LMCD1: variants seen among roughly 807,000 people sequenced by gnomAD.
LMCD1 encodes LIM and cysteine rich domains 1.
Under a neutral mutation model 42.7 loss-of-function variants are expected in LMCD1, and 32 were observed. That is an observed-to-expected ratio of 0.75 (90% CI 0.57 to 1.01). The LOEUF (loss-of-function observed/expected upper bound fraction) is 1.01, where lower values mean the gene tolerates loss of function less well. LMCD1 is among the 50% of genes least tolerant of loss of function. The pLI is 0.00. For synonymous variants in LMCD1, 178 were observed against 184.9 expected (o/e 0.96, Z 0.30); for missense variants, 458 against 483.1 (o/e 0.95, Z 0.49).
At chr3:8,523,342 C>T (rs1016362819) in intron 1 of LMCD1, among the ~76,000 whole-genome samples, 6 of 152,352 alleles carry the variant, frequency 3.9e-5, no homozygotes, top group Admixed American at 6.5e-5. Context: ...AACACACATA[C>T]ACACTCTCAC....
chr3:8,537,757 A>G (rs1694540489), intron 3 of LMCD1, among the ~76,000 whole-genome samples: 1 of 152,166 alleles, frequency 6.6e-6, no homozygotes, highest in South Asian at 2.1e-4. Flanking sequence ...TTATCACTCA[A>G]AATTCTGAGT....
chr3:8,516,288 G>C (rs1336034316), intron 1 of LMCD1, among the ~76,000 whole-genome samples: 1 of 152,140 alleles, frequency 6.6e-6, no homozygotes, highest in African/African-American at 2.4e-5. Flanking sequence ...CCTCCTGAGA[G>C]ACAAGAGCCG....
rs1295430394 is a variant in LMCD1 at position 8,572,504 on chromosome 3, C to G, written c.*4906C>G. ...TTAGTATTCATTGACGTTTACTGATCGAACTAATTATTATTATGATAGTTG... is the reference window on the plus strand; with the variant it reads ...TTAGTATTCATTGACGTTTACTGATGGAACTAATTATTATTATGATAGTTG... On this transcript the variant is annotated 3_prime_UTR_variant, in exon 6 of 6. Coordinates refer to ENST00000157600, the MANE Select transcript of LMCD1 (RefSeq NM_014583.4). 1 of 152,130 alleles carries G rather than the reference C, an allele frequency of 6.6e-6. No homozygotes were observed. Among genetic ancestry groups the G allele is most frequent in the African/African-American group, 2.4e-5 (1 of 41,420 alleles). 9.4% of individuals were successfully genotyped at this position (152,130 alleles called of 1,614,324 possible).
At chr3:8,541,422 G>A (rs1047609877) in intron 3 of LMCD1, among the ~76,000 whole-genome samples, 6 of 152,214 alleles carry the variant, frequency 3.9e-5, no homozygotes, top group East Asian at 3.9e-4. Flanking sequence ...GGTAGCAGGC[G>A]CCTGTAATCC....
At chr3:8,543,816 G>C (rs1205287933) in intron 3 of LMCD1, among the ~76,000 whole-genome samples, 1 of 152,182 alleles carries the variant, frequency 6.6e-6, no homozygotes, top group East Asian at 1.9e-4. Context: ...AGAACCTAAG[G>C]ATAGACCCAG....
intron 1 of LMCD1, among the ~76,000 whole-genome samples, chr3:8,517,789 T>C (rs1350892408): frequency 6.6e-6 from 1 of 152,216 alleles, no homozygotes; most frequent in Admixed American, 6.5e-5. Context: ...TTTATTGCAT[T>C]TGTTGTGGTT....
intron 3 of LMCD1, among the ~76,000 whole-genome samples, chr3:8,545,953 C>T (rs1694726514): frequency 1.3e-5 from 2 of 152,106 alleles, no homozygotes; most frequent in African/African-American, 4.8e-5. Context: ...ATGGCGAAAC[C>T]CCGTCTCTAC....
At chr3:8,535,284 T>G (rs1447727706) in intron 2 of LMCD1, among the ~76,000 whole-genome samples, 1 of 152,208 alleles carries the variant, frequency 6.6e-6, no homozygotes, top group Non-Finnish European at 1.5e-5. Flanking sequence ...GTGAATAAAA[T>G]GCAAAACAAA....
intron 1 of LMCD1, among the ~76,000 whole-genome samples, chr3:8,505,263 A>G (rs905558644): frequency 6.6e-6 from 1 of 152,232 alleles, no homozygotes; most frequent in African/African-American, 2.4e-5. Context: ...TTGACAAGCT[A>G]AGACAATGAC....
intron 3 of LMCD1, among the ~76,000 whole-genome samples, chr3:8,537,964 A>G (rs1694543058): frequency 6.6e-6 from 1 of 152,194 alleles, no homozygotes; most frequent in Non-Finnish European, 1.5e-5. Context: ...GTAAATGATC[A>G]GAGAAACCCT....
At chr3:8,504,614 C>T (rs1470308103) in intron 1 of LMCD1, among the ~76,000 whole-genome samples, 2 of 152,242 alleles carry the variant, frequency 1.3e-5, no homozygotes, top group African/African-American at 4.8e-5. Flanking sequence ...GGGAAAGAGA[C>T]TCACTGGGGG....
At chr3:8,519,312 A>T (rs971492676) in intron 1 of LMCD1, among the ~76,000 whole-genome samples, 5 of 152,200 alleles carry the variant, frequency 3.3e-5, no homozygotes, top group African/African-American at 7.2e-5. Flanking sequence ...GTCTAAACAG[A>T]AGGAACTGTA....
At chr3:8,560,008 A>G (rs1350965591) in intron 4 of LMCD1, among the ~76,000 whole-genome samples, 1 of 152,216 alleles carries the variant, frequency 6.6e-6, no homozygotes, top group African/African-American at 2.4e-5. Flanking sequence ...GAAGGTTGCA[A>G]ACAAGCTCTG....
intron 3 of LMCD1, among the ~76,000 whole-genome samples, chr3:8,545,418 G>A (rs901946233): frequency 5.9e-5 from 9 of 152,110 alleles, no homozygotes; most frequent in African/African-American, 2.2e-4. Context: ...CATCTCTCAG[G>A]TATTAGCAAA....
intron 1 of LMCD1, among the ~76,000 whole-genome samples, chr3:8,512,315 G>T (rs1263157525): frequency 2.6e-5 from 4 of 152,180 alleles, no homozygotes; most frequent in Non-Finnish European, 1.5e-5. Context: ...CTGAAAATGT[G>T]AGTTCCTTCT....
In LMCD1 at chr3:8,545,669, C is replaced by G. The variant is rs555453416; in HGVS notation, c.388-2899C>G. Among the ~76,000 whole-genome samples, 104 of 152,336 alleles carry G rather than the reference C, an allele frequency of 6.8e-4. 1 individual carries two copies. Among genetic ancestry groups the G allele is most frequent in the African/African-American group, 2.4e-3 (99 of 41,598 alleles). On this transcript the variant is annotated intron_variant, in intron 3 of 5. Coordinates refer to ENST00000157600, the MANE Select transcript of LMCD1 (RefSeq NM_014583.4). ...AAAATGCAGATTCCTGTACCCCACACCTCACCTACTGGATGGAGATCTTGA... is the reference window on the plus strand; with the variant it reads ...AAAATGCAGATTCCTGTACCCCACAGCTCACCTACTGGATGGAGATCTTGA...
At chr3:8,527,929 G>A (rs1462104705) in intron 1 of LMCD1, among the ~76,000 whole-genome samples, 2 of 152,192 alleles carry the variant, frequency 1.3e-5, no homozygotes, top group Non-Finnish European at 2.9e-5. Flanking sequence ...TTAATGTTAG[G>A]ACAAGATTGA....
At chr3:8,531,086 G>T (rs551798231) in intron 1 of LMCD1, among the ~76,000 whole-genome samples, 2 of 152,328 alleles carry the variant, frequency 1.3e-5, no homozygotes, top group East Asian at 1.9e-4. Flanking sequence ...GAGAAGTATT[G>T]TGAAGGACAG....
chr3:8,538,236 G>A (rs1342459910), intron 3 of LMCD1, among the ~76,000 whole-genome samples: 1 of 152,132 alleles, frequency 6.6e-6, no homozygotes, highest in African/African-American at 2.4e-5. Context: ...ATATCACCTG[G>A]GGAGCTCATC....
Sources: allele counts gnomAD v4.1 joint callset (sites outside exome capture counted in the v4.1 genomes callset), GRCh38; gene constraint gnomAD v4.1.1; transcripts MANE v1.5; gene names NCBI Gene and HGNC (gene_info 2026-07-23, HGNC 2026-07-21).